TRIP12: variants seen among roughly 807,000 people sequenced by gnomAD.
TRIP12 encodes thyroid hormone receptor interactor 12.
Under a neutral mutation model 244.2 loss-of-function variants are expected in TRIP12, and 25 were observed. The observed-to-expected ratio is 0.10, with a 90% CI of 0.07 to 0.14. The LOEUF (loss-of-function observed/expected upper bound fraction) is 0.14, where lower values mean the gene tolerates loss of function less well. Among genes scored for constraint, TRIP12 ranks in the 10% least tolerant of loss-of-function variants. The pLI is 1.00. For synonymous variants in TRIP12, 905 were observed against 873.1 expected (o/e 1.04, Z -0.64); for missense variants, 1,677 against 2,486.4 (o/e 0.67, Z 6.92).
At chr2:229,903,018 C>CTTTTTTTTTTTTTTTTT (rs57794819) in intron 1 of TRIP12, among the ~76,000 whole-genome samples, 5 of 104,888 alleles carry the variant, frequency 4.8e-5, no homozygotes, top group Non-Finnish European at 6.2e-5. Context: ...TTCTTTTTTT[C>CTTTTTTTTTTTTTTTTT]TTTTTTTTTT....
intron 2 of TRIP12, among the ~76,000 whole-genome samples, chr2:229,876,592 G>A (rs2063623746): frequency 6.6e-6 from 1 of 152,162 alleles, no homozygotes. Flanking sequence ...ACAACTTTGA[G>A]CTACTTAAAC....
chr2:229,918,770 C>T (rs954573417), intron 1 of TRIP12, among the ~76,000 whole-genome samples: 1 of 152,186 alleles, frequency 6.6e-6, no homozygotes, highest in Non-Finnish European at 1.5e-5. Flanking sequence ...TTCTCCCCTG[C>T]CCCATGGACC....
intron 1 of TRIP12, among the ~76,000 whole-genome samples, chr2:229,881,240 G>C (rs552212891): frequency 6.6e-6 from 1 of 152,324 alleles, no homozygotes. Flanking sequence ...TATAAGAAAT[G>C]ATTGTGCAGA....
chr2:229,817,689 G>T (rs1017027961), intron 9 of TRIP12, among the ~76,000 whole-genome samples: 1 of 152,064 alleles, frequency 6.6e-6, no homozygotes, highest in African/African-American at 2.4e-5. Flanking sequence ...TGCCTTCCAG[G>T]TTCAAGTGAC....
chr2:229,790,031 A>G (rs1253653756), intron 30 of TRIP12, among the ~76,000 whole-genome samples: 1 of 152,238 alleles, frequency 6.6e-6, no homozygotes, highest in Non-Finnish European at 1.5e-5. Context: ...TCTCCTTTAT[A>G]CCAGAAACAA....
intron 8 of TRIP12, among the ~76,000 whole-genome samples, chr2:229,827,289 A>AT (rs1360057316): frequency 6.6e-6 from 1 of 151,944 alleles, no homozygotes; most frequent in Non-Finnish European, 1.5e-5. Flanking sequence ...CAAAAAAAAA[A>AT]AAGAAAAAGA....
At chr2:229,784,053 T>A (rs2039202034) in intron 34 of TRIP12, among the ~76,000 whole-genome samples, 1 of 146,392 alleles carries the variant, frequency 6.8e-6, no homozygotes, top group Admixed American at 7.1e-5. Flanking sequence ...GAGGTTGCAG[T>A]GAGCTGAGAT....
chr2:229,812,574 G>T (rs2047534559), intron 13 of TRIP12, among the ~76,000 whole-genome samples: 1 of 152,162 alleles, frequency 6.6e-6, no homozygotes, highest in African/African-American at 2.4e-5. Flanking sequence ...GGGAGGCTGA[G>T]ACAGGTGGAT....
intron 3 of TRIP12, 35 bp from the exon 4 acceptor site, chr2:229,859,609 C>T: frequency 6.3e-7 from 1 of 1,575,588 alleles, no homozygotes; most frequent in Non-Finnish European, 8.6e-7. Context: ...TTAATATCAG[C>T]CTGTCATAAT....
intron 37 of TRIP12, among the ~76,000 whole-genome samples, chr2:229,775,910 A>G (rs1260513089): frequency 6.6e-6 from 1 of 152,008 alleles, no homozygotes; most frequent in Non-Finnish European, 1.5e-5. Flanking sequence ...CACTCATTTT[A>G]TATTTTTAAA....
chr2:229,905,725 T>C (rs1460119406), intron 1 of TRIP12, among the ~76,000 whole-genome samples: 2 of 152,164 alleles, frequency 1.3e-5, no homozygotes, highest in Non-Finnish European at 2.9e-5. Flanking sequence ...TGCAACTCAA[T>C]GCATATTAAA....
intron 13 of TRIP12, 57 bp from the exon 14 acceptor site, chr2:229,811,261 T>G (rs763387145): frequency 1.3e-6 from 2 of 1,518,700 alleles, no homozygotes; most frequent in Admixed American, 3.6e-5. Context: ...TTCACTGTCA[T>G]GTATCACTAC....
intron 34 of TRIP12, among the ~76,000 whole-genome samples, chr2:229,781,888 C>T (rs1574899411): frequency 6.6e-6 from 1 of 152,110 alleles, no homozygotes; most frequent in Admixed American, 6.5e-5. Context: ...GAATCTTTTC[C>T]GAGGTCAACA....
intron 5 of TRIP12, 34 bp from the exon 6 acceptor site, chr2:229,837,018 A>G (rs1575722488): frequency 6.7e-7 from 1 of 1,483,772 alleles, no homozygotes; most frequent in Non-Finnish European, 8.9e-7. Flanking sequence ...GGGCAGCATT[A>G]CCAGTGAACC....
At chr2:229,782,318 GCAGTACTAA>G (rs996789313) in intron 34 of TRIP12, among the ~76,000 whole-genome samples, 18 of 152,004 alleles carry the variant, frequency 1.2e-4, no homozygotes, top group South Asian at 4.2e-4. Context: ...CACTTCTACA[GCAGTACTAA>G]CTTCTGCCAC....
intron 6 of TRIP12, among the ~76,000 whole-genome samples, chr2:229,834,957 T>C (rs966997368): frequency 6.6e-6 from 1 of 152,190 alleles, no homozygotes; most frequent in African/African-American, 2.4e-5. Context: ...ACAAGTACTA[T>C]CCGAAAACGT....
intron 8 of TRIP12, among the ~76,000 whole-genome samples, chr2:229,820,416 T>C (rs486924): frequency 0.98 from 148,836 of 152,266 alleles, 72,842 homozygotes; most frequent in Middle Eastern, 1. Flanking sequence ...ATCCTCTGAT[T>C]TATGAGGAGA....
intron 34 of TRIP12, among the ~76,000 whole-genome samples, chr2:229,781,377 G>A (rs1171793422): frequency 6.6e-6 from 1 of 152,224 alleles, no homozygotes; most frequent in Non-Finnish European, 1.5e-5. Context: ...CACTTATTAT[G>A]TGACAATGGT....
chr2:229,848,836 A>C (rs1373271684), intron 4 of TRIP12, among the ~76,000 whole-genome samples: 1 of 152,242 alleles, frequency 6.6e-6, no homozygotes, highest in East Asian at 1.9e-4. Context: ...GAAGGAAAGT[A>C]ATTCCCAACC....
Sources: gnomAD v4.1 joint callset for allele counts (sites outside exome capture counted in the v4.1 genomes callset) on GRCh38, gnomAD v4.1.1 for gene constraint, MANE v1.5 for transcripts, NCBI Gene and HGNC (gene_info 2026-07-23, HGNC 2026-07-21) for gene names.